The following RSPH14 variants were observed in gnomAD, a reference collection of about 807,000 sequenced individuals.
RSPH14 encodes the protein rhabdoid tumor deletion region gene 1.
In RSPH14, 20 loss-of-function variants were observed where a neutral mutation model predicts 26.7. That is an observed-to-expected ratio of 0.75 (90% CI 0.53 to 1.09). The LOEUF (loss-of-function observed/expected upper bound fraction) is 1.09, where lower values mean the gene tolerates loss of function less well. Among genes scored for constraint, RSPH14 ranks in the 50% least tolerant of loss-of-function variants. The pLI, the probability that RSPH14 is intolerant of heterozygous loss-of-function variation, is 0.00. For synonymous variants in RSPH14, 177 were observed against 189.3 expected (o/e 0.93, Z 0.53); for missense variants, 449 against 457.2 (o/e 0.98, Z 0.16).
intron 4 of RSPH14, among the ~76,000 whole-genome samples, chr22:23,112,484 C>G (rs1285990937): frequency 6.6e-6 from 1 of 152,084 alleles, no homozygotes; most frequent in Non-Finnish European, 1.5e-5. Flanking sequence ...TGACCACAAC[C>G]AGGGGTATGA....
intron 4 of RSPH14, among the ~76,000 whole-genome samples, chr22:23,092,842 C>G (rs1016617963): frequency 3.3e-5 from 5 of 152,214 alleles, no homozygotes; most frequent in African/African-American, 1.2e-4. Flanking sequence ...GGCTGTACCT[C>G]AGATTTTCAA....
chr22:23,119,538 C>T (rs536991679), intron 4 of RSPH14, among the ~76,000 whole-genome samples: 1 of 152,348 alleles, frequency 6.6e-6, no homozygotes, highest in African/African-American at 2.4e-5. Flanking sequence ...ACACTGCCAG[C>T]ACCACACTGT....
Position 23,138,943 on chromosome 22 carries a change from C to CAA in RSPH14, c.200-2_200-1insTT. On this transcript the variant is annotated splice_acceptor_variant, in intron 2 of 6. Transcript: ENST00000216036. LOFTEE classifies it high-confidence loss of function. ...AAAGCTTTCAGGTTCTCCATACAGCCTAGAAAAAAAAAAAAAAACAAACAA... is the reference window on the plus strand; with the variant it reads ...AAAGCTTTCAGGTTCTCCATACAGCCAATAGAAAAAAAAAAAAAAACAAACAA... The CAA allele has an allele frequency of 7.1e-7, 1 of 1,416,502 alleles. No homozygotes were observed. The highest frequency in any genetic ancestry group is 2.5e-5 in the Admixed American group (1 of 40,508). The allele number at this position is 1,416,502 out of a possible 1,614,324, so 87.7% of individuals were successfully genotyped here.
chr22:23,141,468 CTA>C (rs2070600162), intron 1 of RSPH14, among the ~76,000 whole-genome samples: 1 of 152,140 alleles, frequency 6.6e-6, no homozygotes, highest in African/African-American at 2.4e-5. Context: ...GTTACTTCCT[CTA>C]TCTGTGTCTT....
chr22:23,066,463 G>C (rs181195172), intron 4 of RSPH14, among the ~76,000 whole-genome samples: 1 of 152,300 alleles, frequency 6.6e-6, no homozygotes, highest in East Asian at 1.9e-4. Flanking sequence ...AGCCCCTTGG[G>C]TTTTGTTTCT....
chr22:23,111,313 AG>A (rs1260716072), intron 4 of RSPH14, among the ~76,000 whole-genome samples: 64 of 152,304 alleles, frequency 4.2e-4, no homozygotes, highest in African/African-American at 1.3e-3. Flanking sequence ...TGTACCGAGC[AG>A]GGGGTGCGGC....
intron 5 of RSPH14, among the ~76,000 whole-genome samples, chr22:23,063,622 G>A (rs1253183230): frequency 2.0e-5 from 3 of 152,196 alleles, no homozygotes; most frequent in African/African-American, 7.2e-5. Flanking sequence ...ATCATCACCA[G>A]TGCATCTCCT....
intron 4 of RSPH14, among the ~76,000 whole-genome samples, chr22:23,078,625 C>T (rs1035862412): frequency 1.1e-4 from 17 of 152,234 alleles, no homozygotes; most frequent in Admixed American, 1.3e-4. Context: ...GTGGCCACTG[C>T]GGTCCCCAGG....
the RSPH14 span, chr22:23,164,399 CCT>C: frequency 1.3e-5 from 2 of 152,246 alleles, no homozygotes; most frequent in Non-Finnish European, 2.9e-5. Context: ...ATAGTTGTGG[CCT>C]CTCGAACTTT....
the RSPH14 span, among the ~76,000 whole-genome samples, chr22:23,168,810 T>G: frequency 1.3e-5 from 2 of 152,178 alleles, no homozygotes; most frequent in African/African-American, 4.8e-5. Flanking sequence ...CCCTGGGCAC[T>G]GTCAGCAGGC....
At chr22:23,129,662 C>T (rs2070260835) in intron 4 of RSPH14, among the ~76,000 whole-genome samples, 1 of 152,114 alleles carries the variant, frequency 6.6e-6, no homozygotes, top group Non-Finnish European at 1.5e-5. Context: ...TGGCTCACGC[C>T]TGTAATCCCA....
chr22:23,065,208 G>A (rs896587595), intron 4 of RSPH14, among the ~76,000 whole-genome samples: 4 of 152,150 alleles, frequency 2.6e-5, no homozygotes, highest in African/African-American at 9.7e-5. Context: ...CCTCTTTGAA[G>A]ACATCACCCC....
At chr22:23,093,458 C>G (rs2069044151) in intron 4 of RSPH14, among the ~76,000 whole-genome samples, 1 of 152,204 alleles carries the variant, frequency 6.6e-6, no homozygotes, top group African/African-American at 2.4e-5. Context: ...CACCCGCACT[C>G]TGGCTGGGGG....
At chr22:23,083,186 A>G (rs1449781733) in intron 4 of RSPH14, among the ~76,000 whole-genome samples, 1 of 152,144 alleles carries the variant, frequency 6.6e-6, no homozygotes, top group Non-Finnish European at 1.5e-5. Context: ...TGTGATGCAC[A>G]TTTGAGAAAT....
intron 4 of RSPH14, among the ~76,000 whole-genome samples, chr22:23,101,043 C>T (rs938101658): frequency 6.6e-6 from 1 of 152,184 alleles, no homozygotes; most frequent in African/African-American, 2.4e-5. Flanking sequence ...GTAAGACAGG[C>T]TTATACCTAT....
the RSPH14 span, among the ~76,000 whole-genome samples, chr22:23,173,965 C>T: frequency 4.6e-5 from 7 of 152,132 alleles, no homozygotes; most frequent in Non-Finnish European, 8.8e-5. Flanking sequence ...CCTCCTCGGC[C>T]TCCCAAAGTG....
intron 4 of RSPH14, among the ~76,000 whole-genome samples, chr22:23,113,329 C>T (rs2069713412): frequency 6.6e-6 from 1 of 152,242 alleles, no homozygotes; most frequent in Admixed American, 6.5e-5. Flanking sequence ...CTCTGGCCAG[C>T]ACCGCCTCCC....
chr22:23,066,070 C>T (rs977448114), intron 4 of RSPH14, among the ~76,000 whole-genome samples: 1 of 152,172 alleles, frequency 6.6e-6, no homozygotes, highest in East Asian at 1.9e-4. Flanking sequence ...CTGGACGGCC[C>T]TCTTCCAGCT....
chr22:23,146,658 C>T (rs775905144), upstream of RSPH14: 11 of 1,613,940 alleles, frequency 6.8e-6, no homozygotes, highest in Admixed American at 5.0e-5. Flanking sequence ...CTGTGAGCCG[C>T]GACCGTGTCA....
Sources: gnomAD v4.1 joint callset for allele counts (sites outside exome capture counted in the v4.1 genomes callset) on GRCh38, gnomAD v4.1.1 for gene constraint, MANE v1.5 for transcripts, NCBI Gene and HGNC (gene_info 2026-07-23, HGNC 2026-07-21) for gene names.